Variants in FOLH1 observed in about 807,000 individuals in gnomAD.
The protein encoded by FOLH1 is glutamate carboxypeptidase 2.
A neutral mutation model predicts 93.9 loss-of-function variants in FOLH1; 54 were observed. The ratio of observed to expected loss-of-function variants is 0.57; its 90% CI spans 0.46 to 0.72. The LOEUF is 0.72. Among genes scored for constraint, FOLH1 ranks in the 30% least tolerant of loss-of-function variants. The pLI is 0.00. For synonymous variants in FOLH1, 249 were observed against 303.6 expected (o/e 0.82, Z 1.87); for missense variants, 571 against 892.5 (o/e 0.64, Z 4.59).
chr11:49,160,802 T>C (rs1244690065), intron 13 of FOLH1, among the ~76,000 whole-genome samples: 1 of 152,172 alleles, frequency 6.6e-6, no homozygotes, highest in South Asian at 2.1e-4. Context: ...TAATTCTGCC[T>C]TAGCTGTGTC....
At position 49,192,846 on chromosome 11, in the gene FOLH1, C is replaced by A. The variant is rs770988853; in HGVS notation, c.460G>T (p.Val154Phe). The change falls in exon 4 of 19, where the codon GTT (valine) becomes TTT (phenylalanine). Residue 154 changes from valine to phenylalanine, a missense_variant. Val to Phe is a conservative substitution (Grantham distance 50, BLOSUM62 -1). Transcript: ENST00000256999. ...FEPPPPGYEN[V>F]SDIVPPFSAF... ...CTGAAAGGTGGTACAATATCCGAAA[C>A]ATTTTCATATCCTGGAGGAGGTGGT... The A allele has an allele frequency of 6.2e-7, 1 of 1,607,116 alleles. No homozygotes were observed.
At chr11:49,147,050 A>T in intron 18 of FOLH1, 105 bp from the exon 19 acceptor site, 1 of 1,078,144 alleles carries the variant, frequency 9.3e-7, no homozygotes, top group Non-Finnish European at 1.3e-6. Flanking sequence ...TAACAATTTG[A>T]ACAAGCCACT....
chr11:49,206,070 A>T lies in FOLH1; in HGVS notation c.221T>A (p.Leu74Ter), dbSNP rs765488104. 1 of 1,610,450 alleles carries T rather than the reference A, an allele frequency of 6.2e-7. No individual in the cohort carries two copies. The highest frequency in any genetic ancestry group is 1.3e-5 in the African/African-American group (1 of 74,830). The stretch of plus-strand genomic sequence containing the variant: ...AAACTTTCGAGGATGTACTTACTAT[A>T]AGAACTTCTTGATGTTCTCAGCTTT... ...ELKAENIKKF[L>*]YNFTQIPHLA... is the part of the protein sequence containing the mutation. The change falls in exon 2 of 19, where the codon TTA (leucine) becomes TAA (stop). Residue 74 changes from leucine (L) to a stop codon, truncating the protein, a stop_gained. Transcript: ENST00000256999. LOFTEE classifies it high-confidence loss of function.
intron 7 of FOLH1, among the ~76,000 whole-genome samples, chr11:49,181,980 C>T (rs1376254813): frequency 1.3e-5 from 2 of 152,122 alleles, no homozygotes; most frequent in African/African-American, 2.4e-5. Context: ...CCTGGCCAGA[C>T]GCTTTGGTCT....
chr11:49,171,346 C>T, intron 10 of FOLH1, 69 bp from the exon 11 acceptor site: 1 of 1,397,158 alleles, frequency 7.2e-7, no homozygotes, highest in Non-Finnish European at 9.4e-7. Context: ...CTACCAAGCC[C>T]AGATTGGAAA....
intron 10 of FOLH1, 94 bp downstream of exon 10, chr11:49,173,263 T>C (rs1859586588): frequency 7.9e-7 from 1 of 1,269,258 alleles, no homozygotes; most frequent in African/African-American, 1.5e-5. Flanking sequence ...CAAACACATG[T>C]AATGGTTGAG....
Position 49,206,142 on chromosome 11 carries a change from G to C in FOLH1, c.149C>G (p.Thr50Ser), listed in dbSNP as rs1398092099. The stretch of plus-strand genomic sequence containing the variant: ...CATATTATGCTTTGGAGTAATGTTA[G>C]TAGCTTCATTGGAGGATTTTATAAA... Reference protein sequence around the residue: ...GWFIKSSNEATNITPKHNMKA... With the variant: ...GWFIKSSNEASNITPKHNMKA... Residue 50 changes from threonine (T) to serine (S), a missense_variant, in exon 2 of 19, where the codon ACT becomes AGT. Thr to Ser is a moderately conservative substitution (Grantham distance 58). Transcript: ENST00000256999. The C allele has an allele frequency of 1.2e-6, 2 of 1,612,174 alleles. No homozygotes were observed. The highest frequency in any genetic ancestry group is 4.5e-5 in the East Asian group (2 of 44,726).
At position 49,185,326 on chromosome 11, in the gene FOLH1, G is replaced by A. The variant is rs192111655; in HGVS notation, c.826+343C>T. 6.4e-3 allele frequency among the ~76,000 whole-genome samples: 966 copies of A among 152,006 alleles called. 5 individuals carry two copies. Among genetic ancestry groups the A allele is most frequent in the Non-Finnish European group, 0.011 (735 of 68,000 alleles). On this transcript the variant is annotated intron_variant, in intron 6 of 18. Transcript: ENST00000256999. ...CCCCGCCCCCCACTTACTACTTAGC[G>A]TAAGTATTCATACACTCTGCAACAA...
chr11:49,159,465 A>C (rs1857411143), intron 13 of FOLH1, among the ~76,000 whole-genome samples: 1 of 152,244 alleles, frequency 6.6e-6, no homozygotes, highest in South Asian at 2.1e-4. Flanking sequence ...TCAACCTTGC[A>C]TCCCTGGGAT....
intron 18 of FOLH1, 57 bp downstream of exon 18, chr11:49,148,582 A>G: frequency 7.5e-7 from 1 of 1,336,310 alleles, no homozygotes. Context: ...GAAAAAAATA[A>G]AAATAATTAG....
intron 12 of FOLH1, among the ~76,000 whole-genome samples, chr11:49,166,629 G>T (rs202672): frequency 0.18 from 27,728 of 151,926 alleles, 2,933 homozygotes; most frequent in African/African-American, 0.29. Flanking sequence ...GCATTGGGGA[G>T]TTTCGCTTTA....
Position 49,173,382 on chromosome 11 carries a change from C to T in FOLH1, c.1200G>A (p.Arg400=). 1 of 1,610,694 alleles carries T rather than the reference C, an allele frequency of 6.2e-7. No individual in the cohort carries two copies. Among genetic ancestry groups the T allele is most frequent in the South Asian group, 1.1e-5 (1 of 90,722 alleles). The change falls in exon 10 of 19, where the codon AGG becomes AGA. Residue 400 remains arginine (R), a synonymous_variant. Transcript: ENST00000256999. The part of the protein sequence containing the change: ...SGAAVVHEIV[R]SFGTLKKEGW... The stretch of plus-strand genomic sequence containing the variant: ...CTTCCTTTTTCAGTGTTCCAAAGCT[C>T]CTCACAATTTCATGAACAACAGCTG...
At chr11:49,167,616 A>G (rs1313753726) in intron 12 of FOLH1, among the ~76,000 whole-genome samples, 2 of 152,128 alleles carry the variant, frequency 1.3e-5, no homozygotes, top group East Asian at 3.9e-4. Flanking sequence ...GGAGTTTGAG[A>G]CCAACCTGGG....
At chr11:49,170,519 G>A (rs1269734029) in intron 11 of FOLH1, among the ~76,000 whole-genome samples, 1 of 152,136 alleles carries the variant, frequency 6.6e-6, no homozygotes, top group Non-Finnish European at 1.5e-5. Context: ...GGAGCCTAGG[G>A]CAGGAGAATT....
At chr11:49,148,846 A>G (rs1294531894) in intron 17 of FOLH1, 115 bp from the exon 18 acceptor site, 4 of 792,418 alleles carry the variant, frequency 5.0e-6, no homozygotes, top group Non-Finnish European at 7.4e-6. Flanking sequence ...TTTCAGGACC[A>G]CCCTCTACAC....
chr11:49,195,694 C>T lies in FOLH1; in HGVS notation c.412-2800G>A, dbSNP rs922312404. 5.7e-4 allele frequency among the ~76,000 whole-genome samples: 87 copies of T among 151,738 alleles called. 1 individual carries two copies. The highest frequency in any genetic ancestry group is 1.7e-3 in the African/African-American group (69 of 41,340). ...CAATAAGAAAAAAAAATAGCAAAAG[C>T]GCAAACAAATAATATTATTTATTAA... On this transcript the variant is annotated intron_variant, in intron 3 of 18. Transcript: ENST00000256999.
chr11:49,188,733 C>A (rs1861699188), intron 4 of FOLH1, among the ~76,000 whole-genome samples: 1 of 152,072 alleles, frequency 6.6e-6, no homozygotes, highest in Non-Finnish European at 1.5e-5. Context: ...GGATCAGCAA[C>A]AACAGTTCAA....
chr11:49,193,149 A>T (rs1862257032), intron 3 of FOLH1, among the ~76,000 whole-genome samples: 1 of 152,180 alleles, frequency 6.6e-6, no homozygotes. Flanking sequence ...CCCACCAATA[A>T]CTAAAAATCA....
At chr11:49,151,802 A>G (rs1856540305) in intron 17 of FOLH1, among the ~76,000 whole-genome samples, 1 of 152,076 alleles carries the variant, frequency 6.6e-6, no homozygotes, top group African/African-American at 2.4e-5. Context: ...GGGAGAAAAC[A>G]TTTTTTCTTT....
Sources: allele counts gnomAD v4.1 joint callset (sites outside exome capture counted in the v4.1 genomes callset), GRCh38; gene constraint gnomAD v4.1.1; transcripts MANE v1.5; gene names NCBI Gene and HGNC (gene_info 2026-07-23, HGNC 2026-07-21).